Variants in MAG observed in about 807,000 individuals in gnomAD.
MAG encodes the protein myelin associated glycoprotein.
In MAG, 30 loss-of-function variants were observed where a neutral mutation model predicts 60.7. The ratio of observed to expected loss-of-function variants is 0.49; its 90% CI spans 0.37 to 0.67. The LOEUF (loss-of-function observed/expected upper bound fraction) is 0.67. Ranked by LOEUF, MAG falls within the 30% of genes least tolerant of loss-of-function variation. The pLI is 0.00. For synonymous variants in MAG, 384 were observed against 376.8 expected (o/e 1.02, Z -0.22); for missense variants, 795 against 851.7 (o/e 0.93, Z 0.83).
chr19:35,299,894 G>T, intron 5 of MAG, 44 bp downstream of exon 5: 1 of 1,145,992 alleles, frequency 8.7e-7, no homozygotes, highest in Non-Finnish European at 1.1e-6. Flanking sequence ...GGGGTGGGGC[G>T]GGGTCCGGGG....
At chr19:35,296,356 T>A (rs1024854539) in intron 4 of MAG, among the ~76,000 whole-genome samples, 1 of 152,140 alleles carries the variant, frequency 6.6e-6, no homozygotes, top group African/African-American at 2.4e-5. Context: ...AAAATGGGGA[T>A]AAGAACAGCA....
At chr19:35,311,847 C>T in intron 9 of MAG, 71 bp from the exon 10 acceptor site, 2 of 1,130,936 alleles carry the variant, frequency 1.8e-6, no homozygotes, top group African/African-American at 1.5e-5. Flanking sequence ...GTCCCCTGAG[C>T]CAAACTCCTA....
Position 35,306,186 on chromosome 19 carries a change from G to A in MAG, c.1231+3478G>A, listed in dbSNP as rs112517710. 4.1e-5 allele frequency among the ~76,000 whole-genome samples: 6 copies of A among 147,530 alleles called. 1 individual carries two copies. Among genetic ancestry groups the A allele is most frequent in the African/African-American group, 1.3e-4 (5 of 39,502 alleles). ...CCCACACTCCAGCCTGGATGACAGA[G>A]CAAGACTGTCCCACCCCCCCACTCC... On this transcript the variant is annotated intron_variant, in intron 7 of 10. Coordinates refer to ENST00000392213, the MANE Select transcript of MAG (RefSeq NM_002361.4).
intron 6 of MAG, 99 bp downstream of exon 6, chr19:35,300,503 G>A: frequency 2.8e-6 from 4 of 1,433,922 alleles, no homozygotes; most frequent in South Asian, 2.9e-5. Flanking sequence ...GTCCCGAGGG[G>A]ACCGGCCATA....
Position 35,296,025 on chromosome 19 carries a change from G to A in MAG, c.415+44G>A, listed in dbSNP as rs370514585. On this transcript the variant is annotated intron_variant, in intron 4 of 10. Coordinates refer to ENST00000392213, the MANE Select transcript of MAG (RefSeq NM_002361.4). ...TGCAGGCACCGGGAGCTGGGGCAGC[G>A]GGGCGGGAAGGAGTGTGGCCGGAAG... 29 of 1,524,448 alleles carry A rather than the reference G, an allele frequency of 1.9e-5. No homozygotes were observed. In the African/African-American group the frequency reaches 2.1e-4, roughly 11 times the overall value. The allele number at this position is 1,524,448 out of a possible 1,614,324, so 94.4% of individuals were successfully genotyped here.
intron 10 of MAG, chr19:35,312,445 C>A: frequency 1.1e-6 from 1 of 895,950 alleles, no homozygotes; most frequent in Non-Finnish European, 1.8e-6. Flanking sequence ...TCCGGGCCTG[C>A]CCGGCAGTGC....
chr19:35,301,911 G>A lies in MAG; in HGVS notation c.971-537G>A, dbSNP rs577114041. 3.9e-4 allele frequency among the ~76,000 whole-genome samples: 59 copies of A among 152,100 alleles called. No individual in the cohort carries two copies. The South Asian group carries it at 5.8e-3, about 15-fold the overall frequency. On this transcript the variant is annotated intron_variant, in intron 6 of 10. Transcript: ENST00000392213. ...CAATCTTCCCCCCGGCATTCCCCACGGCTGGCTCTGCCCACCTCCTAGGCT... is the reference window on the plus strand; with the variant it reads ...CAATCTTCCCCCCGGCATTCCCCACAGCTGGCTCTGCCCACCTCCTAGGCT...
At chr19:35,303,767 C>G (rs2066465223) in intron 7 of MAG, among the ~76,000 whole-genome samples, 1 of 152,110 alleles carries the variant, frequency 6.6e-6, no homozygotes, top group South Asian at 2.1e-4. Flanking sequence ...CCTCTCATCT[C>G]CTCACTATGG....
intron 10 of MAG, chr19:35,312,232 C>T (rs2066533443): frequency 1.3e-6 from 2 of 1,562,776 alleles, no homozygotes. Context: ...GCCTAAGGGC[C>T]CCCTCCCCTC....
intron 7 of MAG, among the ~76,000 whole-genome samples, chr19:35,309,040 CAG>C (rs1484156874): frequency 1.3e-5 from 2 of 152,124 alleles, no homozygotes; most frequent in African/African-American, 4.8e-5. Context: ...GGGTTTTGAG[CAG>C]AGAGTGCCAT....
rs763042714 is a variant in MAG, at chr19:35,295,818, C to T, written c.252C>T (p.Ser84=). Residue 84 remains serine, a synonymous_variant, in exon 4 of 11, where the codon AGC becomes AGT. Coordinates refer to ENST00000392213, the MANE Select transcript of MAG (RefSeq NM_002361.4). This position sits in a 1 kb window ranked among gnomAD's most constrained non-coding sequence, Gnocchi z 5.8. The part of the protein sequence containing the change: ...FKSRTQVVHE[S]FQGRSRLLGD... ...CGCGCACCCAAGTAGTCCACGAGAG[C>T]TTCCAGGGCCGCAGCCGCCTCCTGG... 2 of 1,613,962 alleles carry T rather than the reference C, an allele frequency of 1.2e-6. No individual in the cohort carries two copies. The highest frequency in any genetic ancestry group is 2.2e-5 in the East Asian group (1 of 44,888).
In MAG at chr19:35,300,321, C is replaced by A. The variant is rs201849322; in HGVS notation, c.887C>A (p.Thr296Asn). 1.9e-6 allele frequency: 3 copies of A among 1,599,240 alleles called. No homozygotes were observed. Among genetic ancestry groups the A allele is most frequent in the African/African-American group, 1.3e-5 (1 of 75,036 alleles). The change falls in exon 6 of 11, where the codon ACC becomes AAC. Residue 296 changes from threonine (T) to asparagine (N), a missense_variant. By Grantham distance (65) the Thr-to-Asn change is moderately conservative. Coordinates refer to ENST00000392213, the MANE Select transcript of MAG (RefSeq NM_002361.4). ...ESLLLELEEVTPAEDGVYACL... is the reference protein window; with the variant it reads ...ESLLLELEEVNPAEDGVYACL... ...CTGCTCCTGGAGCTGGAGGAGGTGA[C>A]CCCCGCCGAAGACGGCGTCTATGCC...
intron 7 of MAG, among the ~76,000 whole-genome samples, chr19:35,306,238 C>T (rs1219011097): frequency 7.3e-6 from 1 of 137,272 alleles, no homozygotes; most frequent in South Asian, 2.4e-4. Context: ...ACTAAGAGAA[C>T]AATACTGAGT....
intron 6 of MAG, among the ~76,000 whole-genome samples, chr19:35,300,616 A>G (rs2066442188): frequency 6.6e-6 from 1 of 152,222 alleles, no homozygotes; most frequent in African/African-American, 2.4e-5. Context: ...TCCTCCTTCC[A>G]GGACAAGACC....
chr19:35,304,901 C>T (rs557857166), intron 7 of MAG, among the ~76,000 whole-genome samples: 1 of 152,230 alleles, frequency 6.6e-6, no homozygotes, highest in Non-Finnish European at 1.5e-5. Context: ...ATAATTATCC[C>T]CTTTACCAAG....
intron 10 of MAG, chr19:35,312,277 A>G (rs913337078): frequency 3.7e-6 from 6 of 1,613,436 alleles, no homozygotes; most frequent in South Asian, 1.1e-5. Context: ...TCCTTCTCCA[A>G]TAGTCCAAAG....
rs558376561 is a variant in MAG at position 35,312,163 on chromosome 19, C to G, written c.1716+146C>G. 3.9e-5 allele frequency: 50 copies of G among 1,274,222 alleles called. No individual in the cohort carries two copies. In the African/African-American group the frequency reaches 6.2e-4, roughly 16 times the overall value. The allele number at this position is 1,274,222 out of a possible 1,614,324, so 78.9% of individuals were successfully genotyped here. ...AGGACATTCCAGGGCTGGGTTGGACCTGGAGGCTGGGGAGGAGGTGCCCAG... is the reference window on the plus strand; with the variant it reads ...AGGACATTCCAGGGCTGGGTTGGACGTGGAGGCTGGGGAGGAGGTGCCCAG... On this transcript the variant is annotated intron_variant, in intron 10 of 10. Transcript: ENST00000392213.
At chr19:35,312,554 G>GGGGGGGGGGC in intron 10 of MAG, 1 of 341,688 alleles carries the variant, frequency 2.9e-6, no homozygotes, top group Non-Finnish European at 5.8e-6. Flanking sequence ...GGAGGGGTGG[G>GGGGGGGGGGC]AAGCGTGGGG....
At chr19:35,312,148 A>T (rs1689886863) in intron 10 of MAG, 131 bp downstream of exon 10, 1 of 1,261,216 alleles carries the variant, frequency 7.9e-7, no homozygotes, top group Non-Finnish European at 1.2e-6. Context: ...AGGACATTCC[A>T]GGGCTGGGTT....
Sources: gnomAD v4.1 joint callset for allele counts (sites outside exome capture counted in the v4.1 genomes callset) on GRCh38, gnomAD v4.1.1 for gene constraint, Gnocchi (gnomAD v3.1) non-coding constraint, MANE v1.5 for transcripts, NCBI Gene and HGNC (gene_info 2026-07-23, HGNC 2026-07-21) for gene names.